FLT1: variants seen among roughly 807,000 people sequenced by gnomAD.
FLT1 encodes the protein vascular endothelial growth factor receptor 1.
Under a neutral mutation model 156.3 loss-of-function variants are expected in FLT1, and 49 were observed. The observed-to-expected ratio is 0.31, with a 90% CI of 0.25 to 0.40. The LOEUF is 0.40. FLT1 is among the 10% of genes least tolerant of loss of function. FLT1 has a pLI of 1.00. For missense variants in FLT1, 1,322 were observed against 1,637.2 expected, an observed-to-expected ratio of 0.81 and a Z score of 3.32; for synonymous variants, 594 against 583.8, an observed-to-expected ratio of 1.02 and a Z score of -0.25.
chr13:28,399,756 G>A (rs1021092384), intron 11 of FLT1, among the ~76,000 whole-genome samples: 3 of 152,138 alleles, frequency 2.0e-5, no homozygotes, highest in African/African-American at 4.8e-5. Flanking sequence ...CACATTACTC[G>A]TAGTCAAGCC....
intron 10 of FLT1, among the ~76,000 whole-genome samples, chr13:28,413,624 G>A (rs1305566690): frequency 1.3e-5 from 2 of 152,112 alleles, no homozygotes; most frequent in Non-Finnish European, 2.9e-5. Flanking sequence ...AAAATATTAG[G>A]AGTGCCTACA....
rs781308526 is a variant in FLT1, at chr13:28,311,594, C to T, written c.3631G>A (p.Val1211Ile). Residue 1211 changes from valine to isoleucine, a missense_variant, in exon 27 of 30, where the codon GTC (valine) becomes ATC (isoleucine). Physicochemically the swap from Val to Ile is conservative, Grantham distance 29. This residue lies in a region of FLT1 where 329 missense variants were observed against 366.2 expected (regional missense o/e 0.90). Coordinates refer to ENST00000282397, the MANE Select transcript of FLT1 (RefSeq NM_002019.4). ...AGTTTGAGAAAGAAATCTTACCTGACATCATCAGAGCTTCCTGAATTAAAC... is the reference window on the plus strand; with the variant it reads ...AGTTTGAGAAAGAAATCTTACCTGATATCATCAGAGCTTCCTGAATTAAAC... ...PKFNSGSSDD[V>I]RYVNAFKFMS... 1 of 1,612,752 alleles carries T rather than the reference C, an allele frequency of 6.2e-7. No individual in the cohort carries two copies. The highest frequency in any genetic ancestry group is 1.3e-5 in the African/African-American group (1 of 74,818).
chr13:28,426,907 C>T (rs1011172899), intron 10 of FLT1, among the ~76,000 whole-genome samples: 1 of 152,142 alleles, frequency 6.6e-6, no homozygotes, highest in Admixed American at 6.6e-5. Context: ...CATGGGAGGA[C>T]CTTAGTTTTG....
Position 28,319,260 on chromosome 13 carries a change from G to A in FLT1, c.3286+163C>T, listed in dbSNP as rs144381727. On this transcript the variant is annotated intron_variant, in intron 24 of 29. Transcript: ENST00000282397. ...CTTTTACAGTAGAGGGCAGACATGC[G>A]TACGCCATTACTCATCTGAGAGTCT... Among the ~76,000 whole-genome samples, 145 of 152,212 alleles carry A rather than the reference G, an allele frequency of 9.5e-4. 1 individual carries two copies. Among genetic ancestry groups the A allele is most frequent in the African/African-American group, 3.1e-3 (129 of 41,548 alleles).
chr13:28,488,775 G>T (rs1881316207), intron 1 of FLT1, among the ~76,000 whole-genome samples: 1 of 152,184 alleles, frequency 6.6e-6, no homozygotes, highest in Non-Finnish European at 1.5e-5. Context: ...TAAAGAAAGA[G>T]GAAGTTAGAC....
chr13:28,466,732 A>G, intron 3 of FLT1, 171 bp downstream of exon 3: 1 of 696,674 alleles, frequency 1.4e-6, no homozygotes, highest in Admixed American at 2.0e-5. Context: ...GGCCTTGACA[A>G]TTCTGGTTAA....
At chr13:28,346,585 T>C (rs1044677541) in intron 15 of FLT1, among the ~76,000 whole-genome samples, 2 of 151,026 alleles carry the variant, frequency 1.3e-5, no homozygotes, top group Non-Finnish European at 2.9e-5. Context: ...TAGCACACAC[T>C]TGTAATCCCA....
At chr13:28,472,081 GT>G (rs1385577605) in intron 1 of FLT1, among the ~76,000 whole-genome samples, 1 of 152,022 alleles carries the variant, frequency 6.6e-6, no homozygotes. Flanking sequence ...TTGTTTTTCT[GT>G]TCTGTATTAT....
intron 12 of FLT1, among the ~76,000 whole-genome samples, chr13:28,391,955 TACAA>T (rs1486509230): frequency 6.6e-6 from 1 of 152,220 alleles, no homozygotes; most frequent in African/African-American, 2.4e-5. Flanking sequence ...GCCAACATCT[TACAA>T]AGTGCTTTGA....
chr13:28,334,645 A>G (rs1433708754), intron 17 of FLT1, among the ~76,000 whole-genome samples: 2 of 152,228 alleles, frequency 1.3e-5, no homozygotes, highest in East Asian at 1.9e-4. Flanking sequence ...CTTCCCTACC[A>G]GGCAAAATAT....
chr13:28,420,549 G>C (rs943289690), intron 10 of FLT1, among the ~76,000 whole-genome samples: 1 of 152,144 alleles, frequency 6.6e-6, no homozygotes, highest in Non-Finnish European at 1.5e-5. Flanking sequence ...CAAAAGAAGA[G>C]GTCTTAAATT....
At chr13:28,383,787 C>T (rs966098802) in intron 14 of FLT1, among the ~76,000 whole-genome samples, 1 of 152,048 alleles carries the variant, frequency 6.6e-6, no homozygotes, top group Non-Finnish European at 1.5e-5. Flanking sequence ...TGAGTGAGAT[C>T]GTGCCACTGC....
chr13:28,451,824 C>A (rs1566035003), intron 3 of FLT1, among the ~76,000 whole-genome samples: 1 of 152,198 alleles, frequency 6.6e-6, no homozygotes, highest in Non-Finnish European at 1.5e-5. Context: ...TTGAAATGTT[C>A]ACACTGGGCG....
In FLT1 at chr13:28,427,188, G is replaced by A. The variant is rs374454760; in HGVS notation, c.1407C>T (p.His469=). 2 of 1,613,952 alleles carry A rather than the reference G, an allele frequency of 1.2e-6. No homozygotes were observed. The highest frequency in any genetic ancestry group is 1.7e-6 in the Non-Finnish European group (2 of 1,179,928). ...CTTCGGAATGATTATGGTTACAGGG[G>A]TGCCAGAACCACTTGATTGTAGGTT... ...IPQPTIKWFW[H]PCNHNHSEAR... Residue 469 remains histidine, a synonymous_variant, in exon 10 of 30, where the codon CAC becomes CAT. Transcript: ENST00000282397.
intron 12 of FLT1, among the ~76,000 whole-genome samples, chr13:28,392,644 T>C (rs542889835): frequency 7.2e-4 from 109 of 152,350 alleles, no homozygotes; most frequent in Non-Finnish European, 7.2e-4. Flanking sequence ...TTTGTTTATC[T>C]TTGCCAAGCA....
chr13:28,473,003 A>C (rs1381563560), intron 1 of FLT1, among the ~76,000 whole-genome samples: 7 of 152,224 alleles, frequency 4.6e-5, no homozygotes, highest in Non-Finnish European at 1.0e-4. Flanking sequence ...TGAAAAGATA[A>C]AGGACATCAT....
In FLT1 at chr13:28,430,035, T is replaced by C; in HGVS notation, c.1106+15A>G. The C allele has an allele frequency of 3.3e-6, 5 of 1,496,034 alleles. No individual in the cohort carries two copies. The highest frequency in any genetic ancestry group is 3.7e-6 in the Non-Finnish European group (4 of 1,072,040). 92.7% of individuals were successfully genotyped at this position (1,496,034 alleles called of 1,614,324 possible). A position where few individuals can be genotyped will look rare whatever the true frequency, so the allele number is the denominator to read the frequency against. The stretch of plus-strand genomic sequence containing the variant: ...AGTATGTCTTAAACTGTTATGGAAA[T>C]AAGGATGGTCCTACCATACAACTTC... On this transcript the variant is annotated intron_variant, in intron 8 of 29. Transcript: ENST00000282397.
intron 3 of FLT1, among the ~76,000 whole-genome samples, chr13:28,461,688 G>A (rs1173932041): frequency 6.6e-6 from 1 of 151,020 alleles, no homozygotes; most frequent in Non-Finnish European, 1.5e-5. Context: ...ACTTGCTCAA[G>A]GTTTCATAGC....
At chr13:28,324,460 A>C (rs1000034133) in intron 20 of FLT1, among the ~76,000 whole-genome samples, 4 of 152,226 alleles carry the variant, frequency 2.6e-5, no homozygotes, top group Non-Finnish European at 5.9e-5. Flanking sequence ...CCTAGTCTAA[A>C]AGCCAAAAGG....
Sources: allele counts gnomAD v4.1 joint callset (sites outside exome capture counted in the v4.1 genomes callset), GRCh38; gene constraint gnomAD v4.1.1; regional missense constraint gnomAD v4.1.1; transcripts MANE v1.5; gene names NCBI Gene and HGNC (gene_info 2026-07-23, HGNC 2026-07-21).